The following HOXD4 variants were observed in gnomAD, a reference collection of about 807,000 sequenced individuals.
HOXD4 encodes homeobox protein Hox-D4.
In HOXD4, 15 loss-of-function variants were observed where a neutral mutation model predicts 22.6. That is an observed-to-expected ratio of 0.67 (90% CI 0.45 to 1.02). The LOEUF is 1.02. Among genes scored for constraint, HOXD4 ranks in the 50% least tolerant of loss-of-function variants. The pLI is 0.00. For synonymous variants in HOXD4, 176 were observed against 157.0 expected (o/e 1.12, Z -0.90); for missense variants, 350 against 346.6 (o/e 1.01, Z -0.08).
rs568247463 is a variant in HOXD4, at chr2:176,151,921, C to T, written c.288C>T (p.Cys96=). 6.0e-5 allele frequency: 96 copies of T among 1,601,006 alleles called. No individual in the cohort carries two copies. In the South Asian group the frequency reaches 9.3e-4, roughly 16 times the overall value. The change falls in exon 1 of 2, where the codon TGC becomes TGT. Residue 96 remains cysteine, a synonymous_variant. Coordinates refer to ENST00000306324, the MANE Select transcript of HOXD4 (RefSeq NM_014621.3). ...ACTACGCCGCTCCAGGAGAGCCTTG[C>T]CCAGCTCCCCCGGCGCCTCCGCCGG... The part of the protein sequence containing the change: ...GGHYAAPGEP[C]PAPPAPPPAP...
At position 176,152,786 on chromosome 2, in the gene HOXD4, C is replaced by T. The variant is rs1211421633; in HGVS notation, c.612C>T (p.Asn204=). ...GCCAGATCAAGATCTGGTTCCAGAA[C>T]CGGAGGATGAAGTGGAAAAAAGATC... The part of the protein sequence containing the change: ...SERQIKIWFQ[N]RRMKWKKDHK... The change falls in exon 2 of 2, where the codon AAC becomes AAT. Residue 204 remains asparagine, a synonymous_variant. Coordinates refer to ENST00000306324, the MANE Select transcript of HOXD4 (RefSeq NM_014621.3). The surrounding 1 kb of genome is among the most constrained non-coding windows in gnomAD (Gnocchi z 5.2). 3.7e-6 allele frequency: 6 copies of T among 1,614,206 alleles called. No individual in the cohort carries two copies. The highest frequency in any genetic ancestry group is 1.1e-5 in the South Asian group (1 of 91,090).
chr2:176,151,648 G>C lies in HOXD4; in HGVS notation c.15G>C (p.Ser5=). The change falls in exon 1 of 2, where the codon TCG becomes TCC. Residue 5 remains serine, a synonymous_variant. Transcript: ENST00000306324. The part of the protein sequence containing the change: MVMS[S]YMVNSKYVDP... ...TTCTGAAATTAATGGTCATGAGTTC[G>C]TATATGGTGAACTCCAAGTATGTGG... is the stretch of plus-strand genomic sequence containing the variant. 2 of 1,612,456 alleles carry C rather than the reference G, an allele frequency of 1.2e-6. No individual in the cohort carries two copies. Among genetic ancestry groups the C allele is most frequent in the Non-Finnish European group, 1.7e-6 (2 of 1,179,120 alleles).
rs780066078 is a variant in HOXD4, at chr2:176,151,778, C to T, written c.145C>T (p.Pro49Ser). Residue 49 changes from proline (P) to serine (S), a missense_variant, in exon 1 of 2, where the codon CCG (proline) becomes TCG (serine). Pro to Ser is a moderately conservative substitution (Grantham distance 74). Coordinates refer to ENST00000306324, the MANE Select transcript of HOXD4 (RefSeq NM_014621.3). ...GGAQGADFQP[P>S]GLYPRPDFGE... ...CGCGCAGGGCGCAGACTTCCAGCCC[C>T]CGGGGCTCTACCCACGGCCCGACTT... is the stretch of plus-strand genomic sequence containing the variant. The T allele has an allele frequency of 1.4e-5, 22 of 1,612,406 alleles. No individual in the cohort carries two copies. The highest frequency in any genetic ancestry group is 8.8e-5 in the South Asian group (8 of 91,054).
In HOXD4 at chr2:176,152,863, C is replaced by T. The variant is rs901044460; in HGVS notation, c.689C>T (p.Ser230Phe). The T allele has an allele frequency of 3.1e-6, 5 of 1,614,214 alleles. No homozygotes were observed. Among genetic ancestry groups the T allele is most frequent in the Non-Finnish European group, 8.5e-7 (1 of 1,180,036 alleles). The change falls in exon 2 of 2, where the codon TCT becomes TTT. Residue 230 changes from serine to phenylalanine, a missense_variant. Transcript: ENST00000306324. This position sits in a 1 kb window ranked among gnomAD's most constrained non-coding sequence, Gnocchi z 5.2. ...GRSSSSSSSSSCSSSVAPSQH... is the reference protein window; with the variant it reads ...GRSSSSSSSSFCSSSVAPSQH... Reference sequence around the variant, plus strand: ...TCATCGTCCTCATCTTCCTCCTCATCTTGCTCCTCCTCAGTCGCCCCCAGC... The same window carrying T: ...TCATCGTCCTCATCTTCCTCCTCATTTTGCTCCTCCTCAGTCGCCCCCAGC...
chr2:176,152,843 GTCCTCATCTTCC>G lies in HOXD4; in HGVS notation c.680_691del (p.Ser227_Ser230del), dbSNP rs758273278. On this transcript the variant is annotated inframe_deletion, in exon 2 of 2. Coordinates refer to ENST00000306324, the MANE Select transcript of HOXD4 (RefSeq NM_014621.3). This position sits in a 1 kb window ranked among gnomAD's most constrained non-coding sequence, Gnocchi z 5.2. ...TGCCCAACACTAAAGGCAGGTCATC[GTCCTCATCTTCC>G]TCCTCATCTTGCTCCTCCTCAGTCG... 71 of 1,614,170 alleles carry G rather than the reference GTCCTCATCTTCC, an allele frequency of 4.4e-5. No individual in the cohort carries two copies. The East Asian group carries it at 1.3e-3, about 29-fold the overall frequency.
chr2:176,151,871 C>T lies in HOXD4; in HGVS notation c.238C>T (p.Gln80Ter), dbSNP rs1196792714. Residue 80 changes from glutamine to a stop codon, truncating the protein, a stop_gained, in exon 1 of 2, where the codon CAA becomes TAA. Transcript: ENST00000306324. LOFTEE classifies it high-confidence loss of function. The stretch of plus-strand genomic sequence containing the variant: ...GGCGCTGCCTGCGCGGGGTCACGGA[C>T]AAGAGCCAGGCGGCCCCGGCGGTCA... ...GSALPARGHGQEPGGPGGHYA... is the reference protein window; with the variant it reads ...GSALPARGHG 1 of 1,586,078 alleles carries T rather than the reference C, an allele frequency of 6.3e-7. No individual in the cohort carries two copies. Among genetic ancestry groups the T allele is most frequent in the Non-Finnish European group, 8.6e-7 (1 of 1,165,984 alleles).
In HOXD4 at chr2:176,152,883, C is replaced by A. The variant is rs765343234; in HGVS notation, c.709C>A (p.Pro237Thr). Residue 237 changes from proline to threonine, a missense_variant, in exon 2 of 2, where the codon CCC (proline) becomes ACC (threonine). Transcript: ENST00000306324. The surrounding 1 kb of genome is among the most constrained non-coding windows in gnomAD (Gnocchi z 5.2). ...SSSSCSSSVA[P>T]SQHLQPMAKD... is the part of the protein sequence containing the mutation. ...CTCATCTTGCTCCTCCTCAGTCGCCCCCAGCCAGCATTTACAGCCGATGGC... is the reference window on the plus strand; with the variant it reads ...CTCATCTTGCTCCTCCTCAGTCGCCACCAGCCAGCATTTACAGCCGATGGC... 17 of 1,614,102 alleles carry A rather than the reference C, an allele frequency of 1.1e-5. No individual in the cohort carries two copies. The Admixed American group carries it at 1.5e-4, about 14-fold the overall frequency.
rs866729239 is a variant in HOXD4 at position 176,153,096 on chromosome 2, C to T, written c.*154C>T. ...CCCTCGGACTAGGTTAGCATCCTGCCCGAGGGCAGCCCCCTCCCTAGAGCG... is the reference window on the plus strand; with the variant it reads ...CCCTCGGACTAGGTTAGCATCCTGCTCGAGGGCAGCCCCCTCCCTAGAGCG... On this transcript the variant is annotated 3_prime_UTR_variant, in exon 2 of 2. Coordinates refer to ENST00000306324, the MANE Select transcript of HOXD4 (RefSeq NM_014621.3). The T allele has an allele frequency of 9.3e-6, 6 of 644,766 alleles. No homozygotes were observed. Among genetic ancestry groups the T allele is most frequent in the Middle Eastern group, 3.9e-4 (1 of 2,532 alleles). The allele number at this position is 644,766 out of a possible 1,614,324, so 39.9% of individuals were successfully genotyped here. A position where few individuals can be genotyped will look rare whatever the true frequency, so the allele number is the denominator to read the frequency against.
rs780177694 is a variant in HOXD4, at chr2:176,152,037, C to T, written c.404C>T (p.Pro135Leu). Residue 135 changes from proline to leucine, a missense_variant, in exon 1 of 2, where the codon CCC becomes CTC. Pro to Leu is a moderately conservative substitution (Grantham distance 98, BLOSUM62 -3). Transcript: ENST00000306324. The surrounding 1 kb of genome is among the most constrained non-coding windows in gnomAD (Gnocchi z 5.2). ...TALKQPAVVYPWMKKVHVNSV... is the reference protein window; with the variant it reads ...TALKQPAVVYLWMKKVHVNSV... Reference sequence around the variant, plus strand: ...CTCAAGCAGCCGGCCGTGGTCTACCCCTGGATGAAGAAGGTGCACGTGAAT... The same window carrying T: ...CTCAAGCAGCCGGCCGTGGTCTACCTCTGGATGAAGAAGGTGCACGTGAAT... 2 of 1,613,584 alleles carry T rather than the reference C, an allele frequency of 1.2e-6. 1 individual carries two copies. The highest frequency in any genetic ancestry group is 2.2e-5 in the South Asian group (2 of 91,076).
Position 176,151,938 on chromosome 2 carries a change from C to T in HOXD4, c.305C>T (p.Pro102Leu). ...GAGCCTTGCCCAGCTCCCCCGGCGC[C>T]TCCGCCGGCGCCCCTGCCTGGCGCC... Reference protein sequence around the residue: ...PGEPCPAPPAPPPAPLPGARA... With the variant: ...PGEPCPAPPALPPAPLPGARA... Residue 102 changes from proline to leucine, a missense_variant, in exon 1 of 2, where the codon CCT becomes CTT. Coordinates refer to ENST00000306324, the MANE Select transcript of HOXD4 (RefSeq NM_014621.3). 6.2e-7 allele frequency: 1 copy of T among 1,608,216 alleles called. No homozygotes were observed. Among genetic ancestry groups the T allele is most frequent in the Non-Finnish European group, 8.5e-7 (1 of 1,177,366 alleles).
In HOXD4 at chr2:176,151,558, G is replaced by A; in HGVS notation, c.-76G>A. 7.6e-7 allele frequency: 1 copy of A among 1,315,322 alleles called. No homozygotes were observed. Among genetic ancestry groups the A allele is most frequent in the Non-Finnish European group, 1.1e-6 (1 of 913,608 alleles). The allele number at this position is 1,315,322 out of a possible 1,614,324, so 81.5% of individuals were successfully genotyped here. On this transcript the variant is annotated 5_prime_UTR_variant, in exon 1 of 2. Coordinates refer to ENST00000306324, the MANE Select transcript of HOXD4 (RefSeq NM_014621.3). ...GCTGCCCAACTTTATTCAGTTGACA[G>A]CAAGTAGGAGGGCCCTATGGAAGGA...
In HOXD4 at chr2:176,152,393, T is replaced by C. The variant is rs112821775; in HGVS notation, c.434-215T>C. Among the ~76,000 whole-genome samples the C allele has an allele frequency of 2.1e-3, 302 of 147,258 alleles. No homozygotes were observed. Among genetic ancestry groups the C allele is most frequent in the African/African-American group, 7.2e-3 (288 of 40,264 alleles). ...CCAGAAGAAGGAGCACATTTGGGGA[T>C]CCCGCAAGCCTGGGGTATGTGGGTG... On this transcript the variant is annotated intron_variant, in intron 1 of 1. Transcript: ENST00000306324. This position sits in a 1 kb window ranked among gnomAD's most constrained non-coding sequence, Gnocchi z 5.2.
Position 176,152,876 on chromosome 2 carries a change from A to G in HOXD4, c.702A>G (p.Ser234=), listed in dbSNP as rs1042160611. ...SSSSSSSCSS[S]VAPSQHLQPM... ...CTTCCTCCTCATCTTGCTCCTCCTC[A>G]GTCGCCCCCAGCCAGCATTTACAGC... is the stretch of plus-strand genomic sequence containing the variant. Residue 234 remains serine, a synonymous_variant, in exon 2 of 2, where the codon TCA becomes TCG. Transcript: ENST00000306324. The surrounding 1 kb of genome is among the most constrained non-coding windows in gnomAD (Gnocchi z 5.2). The G allele has an allele frequency of 6.2e-7, 1 of 1,614,146 alleles. No homozygotes were observed. Among genetic ancestry groups the G allele is most frequent in the Non-Finnish European group, 8.5e-7 (1 of 1,180,022 alleles).
rs760964216 is a variant in HOXD4 at position 176,151,762 on chromosome 2, C to A, written c.129C>A (p.Gly43=). 1.2e-6 allele frequency: 2 copies of A among 1,612,734 alleles called. No individual in the cohort carries two copies. Among genetic ancestry groups the A allele is most frequent in the Non-Finnish European group, 8.5e-7 (1 of 1,179,870 alleles). Reference sequence around the variant, plus strand: ...ACTACTACGGCGGCGGCGCGCAGGGCGCAGACTTCCAGCCCCCGGGGCTCT... The same window carrying A: ...ACTACTACGGCGGCGGCGCGCAGGGAGCAGACTTCCAGCCCCCGGGGCTCT... The part of the protein sequence containing the change: ...GADYYGGGAQ[G]ADFQPPGLYP... Residue 43 remains glycine (G), a synonymous_variant, in exon 1 of 2, where the codon GGC becomes GGA. Coordinates refer to ENST00000306324, the MANE Select transcript of HOXD4 (RefSeq NM_014621.3).
chr2:176,152,973 C>T lies in HOXD4; in HGVS notation c.*31C>T, dbSNP rs770239552. The T allele has an allele frequency of 6.3e-7, 1 of 1,599,890 alleles. No homozygotes were observed. The highest frequency in any genetic ancestry group is 2.2e-5 in the East Asian group (1 of 44,782). On this transcript the variant is annotated 3_prime_UTR_variant, in exon 2 of 2. Coordinates refer to ENST00000306324, the MANE Select transcript of HOXD4 (RefSeq NM_014621.3). This position sits in a 1 kb window ranked among gnomAD's most constrained non-coding sequence, Gnocchi z 5.2. ...GGGACCCTGGGCCCATCTCTCCCTG[C>T]GCACCAGGCTGAGCCGAAGCTGCGG... is the stretch of plus-strand genomic sequence containing the variant.
At position 176,151,715 on chromosome 2, in the gene HOXD4, T is replaced by G; in HGVS notation, c.82T>G (p.Tyr28Asp). 6.2e-7 allele frequency: 1 copy of G among 1,613,524 alleles called. No homozygotes were observed. Among genetic ancestry groups the G allele is most frequent in the African/African-American group, 1.3e-5 (1 of 75,060 alleles). The change falls in exon 1 of 2, where the codon TAC (tyrosine) becomes GAC (aspartate). Residue 28 changes from tyrosine to aspartate, a missense_variant. By Grantham distance (160) the Tyr-to-Asp change is radical. Coordinates refer to ENST00000306324, the MANE Select transcript of HOXD4 (RefSeq NM_014621.3). ...GTGCGAGGAGTATTTGCAGGGCGGC[T>G]ACCTAGGCGAGCAGGGCGCCGACTA... ...PPCEEYLQGG[Y>D]LGEQGADYYG...
In HOXD4 at chr2:176,152,628, G is replaced by T; in HGVS notation, c.454G>T (p.Gly152Trp). Reference sequence around the variant, plus strand: ...CGCAGTGAACCCCAACTACACCGGTGGGGAACCCAAGCGGTCCCGAACGGC... The same window carrying T: ...CGCAGTGAACCCCAACTACACCGGTTGGGAACCCAAGCGGTCCCGAACGGC... The part of the protein sequence containing the change: ...VNSVNPNYTG[G>W]EPKRSRTAYT... Residue 152 changes from glycine to tryptophan, a missense_variant, in exon 2 of 2, where the codon GGG becomes TGG. By Grantham distance (184) the Gly-to-Trp change is radical. Coordinates refer to ENST00000306324, the MANE Select transcript of HOXD4 (RefSeq NM_014621.3). This position sits in a 1 kb window ranked among gnomAD's most constrained non-coding sequence, Gnocchi z 5.2. The T allele has an allele frequency of 6.2e-7, 1 of 1,614,000 alleles. No individual in the cohort carries two copies. The highest frequency in any genetic ancestry group is 8.5e-7 in the Non-Finnish European group (1 of 1,179,952).
Position 176,152,489 on chromosome 2 carries a change from T to C in HOXD4, c.434-119T>C, listed in dbSNP as rs1248033886. 2.5e-6 allele frequency: 2 copies of C among 793,882 alleles called. No individual in the cohort carries two copies. The highest frequency in any genetic ancestry group is 4.2e-6 in the Non-Finnish European group (2 of 478,942). The allele number at this position is 793,882 out of a possible 1,614,324, so 49.2% of individuals were successfully genotyped here. A position where few individuals can be genotyped will look rare whatever the true frequency, so the allele number is the denominator to read the frequency against. ...GCGGGAGGGAGGAAGCAAGCGAGCT[T>C]GGGAGCGCGCGGGGAGGGCCGCGGG... is the stretch of plus-strand genomic sequence containing the variant. On this transcript the variant is annotated intron_variant, in intron 1 of 1. Transcript: ENST00000306324. This position sits in a 1 kb window ranked among gnomAD's most constrained non-coding sequence, Gnocchi z 5.2.
In HOXD4 at chr2:176,153,212, A is replaced by G; in HGVS notation, c.*270A>G. ...AACATAAAATCTTGGCGAGTCATTA[A>G]ACTTATGAAAATCACCGCTCTTGGA... is the stretch of plus-strand genomic sequence containing the variant. On this transcript the variant is annotated 3_prime_UTR_variant, in exon 2 of 2. Coordinates refer to ENST00000306324, the MANE Select transcript of HOXD4 (RefSeq NM_014621.3). 1 of 488,322 alleles carries G rather than the reference A, an allele frequency of 2.0e-6. No homozygotes were observed. The allele number at this position is 488,322 out of a possible 1,614,324, so 30.2% of individuals were successfully genotyped here.
Sources: gnomAD v4.1 joint callset for allele counts (sites outside exome capture counted in the v4.1 genomes callset) on GRCh38, gnomAD v4.1.1 for gene constraint, Gnocchi (gnomAD v3.1) non-coding constraint, MANE v1.5 for transcripts, NCBI Gene and HGNC (gene_info 2026-07-23, HGNC 2026-07-21) for gene names.